RNF213: variants seen among roughly 807,000 people sequenced by gnomAD.
The protein encoded by RNF213 is E3 ubiquitin-protein ligase RNF213.
A neutral mutation model predicts 514.4 loss-of-function variants in RNF213; 341 were observed. The observed-to-expected ratio is 0.66, with a 90% confidence interval of 0.61 to 0.73. The LOEUF (loss-of-function observed/expected upper bound fraction) is 0.73, where lower values mean the gene tolerates loss of function less well. Among genes scored for constraint, RNF213 ranks in the 30% least tolerant of loss-of-function variants. The pLI is 0.00. For synonymous variants in RNF213, 2,655 were observed against 2,658.2 expected (o/e 1.00, Z 0.04); for missense variants, 5,767 against 6,615.6 (o/e 0.87, Z 4.45).
Position 80,313,046 on chromosome 17 carries a change from A to C in RNF213, c.2690A>C (p.Asn897Thr). Residue 897 changes from asparagine to threonine, a missense_variant, in exon 15 of 68, where the codon AAT (asparagine) becomes ACT (threonine). Physicochemically the swap from Asn to Thr is moderately conservative, Grantham distance 65. Around this residue, in one of 13 missense-constraint regions of RNF213, gnomAD observed 592 missense variants for 673.9 expected, o/e 0.88. Coordinates refer to ENST00000582970, the MANE Select transcript of RNF213 (RefSeq NM_001256071.3). ...SAGQRDETGN[N>T]SVQTVFQGTL... ...GGACAGAGAGATGAAACTGGAAATA[A>C]TTCAGTCCAAACAGTCTTCCAAGGG... The C allele has an allele frequency of 6.2e-7, 1 of 1,614,022 alleles. No individual in the cohort carries two copies. Among genetic ancestry groups the C allele is most frequent in the Non-Finnish European group, 8.5e-7 (1 of 1,180,040 alleles).
intron 31 of RNF213, 58 bp downstream of exon 31, chr17:80,350,454 C>A: frequency 8.8e-7 from 1 of 1,132,350 alleles, no homozygotes; most frequent in Non-Finnish European, 1.3e-6. Context: ...GTAGGAAGTC[C>A]TAGAGAATTT....
intron 26 of RNF213, among the ~76,000 whole-genome samples, chr17:80,342,758 A>G (rs1202544048): frequency 6.8e-6 from 1 of 146,108 alleles, no homozygotes; most frequent in East Asian, 1.9e-4. Context: ...ATGTATATAT[A>G]TATTATATAT....
chr17:80,276,517 A>C (rs971297303), intron 3 of RNF213, among the ~76,000 whole-genome samples: 44 of 152,226 alleles, frequency 2.9e-4, no homozygotes, highest in African/African-American at 1.0e-3. Context: ...TTTCTAGGGA[A>C]TCTTGAACAA....
chr17:80,352,546 C>G, intron 32 of RNF213: 3 of 541,058 alleles, frequency 5.5e-6, no homozygotes, highest in South Asian at 2.9e-5. Flanking sequence ...ATTCCAGAAA[C>G]AGGAAAGTAA....
In RNF213 at chr17:80,343,739, T is replaced by C; in HGVS notation, c.6184-118T>C. 9.5e-7 allele frequency: 1 copy of C among 1,054,532 alleles called. No homozygotes were observed. Among genetic ancestry groups the C allele is most frequent in the East Asian group, 2.4e-5 (1 of 42,320 alleles). The allele number at this position is 1,054,532 out of a possible 1,614,324, so 65.3% of individuals were successfully genotyped here. A position where few individuals can be genotyped will look rare whatever the true frequency, so the allele number is the denominator to read the frequency against. ...AGACATGGGCCGTTGTTGGCTGAAA[T>C]GTTGATGTTGATCATCAGGATCATC... On this transcript the variant is annotated intron_variant, in intron 27 of 67. Transcript: ENST00000582970. This position sits in a 1 kb window ranked among gnomAD's most constrained non-coding sequence, Gnocchi z 4.3.
intron 41 of RNF213, 43 bp downstream of exon 41, chr17:80,363,833 G>A (rs374810044): frequency 1.8e-5 from 29 of 1,583,144 alleles, no homozygotes; most frequent in Admixed American, 3.4e-5. Context: ...TCTGGCGCGC[G>A]CTCACCAGGA....
chr17:80,269,545 C>T (rs1338679749), intron 2 of RNF213, among the ~76,000 whole-genome samples: 1 of 151,836 alleles, frequency 6.6e-6, no homozygotes, highest in African/African-American at 2.4e-5. Flanking sequence ...ATCCATTCAT[C>T]TATCCATCTA....
At position 80,357,947 on chromosome 17, in the gene RNF213, C is replaced by A. The variant is rs540981569; in HGVS notation, c.10863-341C>A. 2.6e-5 allele frequency among the ~76,000 whole-genome samples: 4 copies of A among 152,328 alleles called. No individual in the cohort carries two copies. In the East Asian group the frequency reaches 7.7e-4, roughly 29 times the overall value. On this transcript the variant is annotated intron_variant, in intron 36 of 67. Transcript: ENST00000582970. ...AGGTTATGACGATCTATGATTGTGT[C>A]ACTACACCGCAGTTGGCGTGACAGA...
At chr17:80,349,738 TG>T in intron 29 of RNF213, 31 bp from the exon 30 acceptor site, 1 of 1,613,376 alleles carries the variant, frequency 6.2e-7, no homozygotes, top group African/African-American at 1.3e-5. Context: ...CCTTGAAGTC[TG>T]GCAAGTAATT....
chr17:80,272,070 G>T (rs993144789), intron 2 of RNF213, among the ~76,000 whole-genome samples: 1 of 151,668 alleles, frequency 6.6e-6, no homozygotes, highest in Admixed American at 6.6e-5. Context: ...GGATCATGAG[G>T]TCAGGAGTTC....
chr17:80,346,936 A>C lies in RNF213; in HGVS notation c.8601A>C (p.Gly2867=). ...CTCTGCACCCGCTGCTGGAAGACGG[A>C]TGCATTGAAGACGATCCCGCCCCCC... is the stretch of plus-strand genomic sequence containing the variant. ...LKTLHPLLED[G]CIEDDPAPHK... The change falls in exon 29 of 68, where the codon GGA becomes GGC. Residue 2867 remains glycine, a synonymous_variant. Coordinates refer to ENST00000582970, the MANE Select transcript of RNF213 (RefSeq NM_001256071.3). The surrounding 1 kb of genome is among the most constrained non-coding windows in gnomAD (Gnocchi z 8.1). The C allele has an allele frequency of 6.2e-7, 1 of 1,614,024 alleles. No individual in the cohort carries two copies. The highest frequency in any genetic ancestry group is 1.3e-5 in the African/African-American group (1 of 75,036).
chr17:80,373,497 A>G (rs1039031127), intron 49 of RNF213, among the ~76,000 whole-genome samples: 2 of 151,970 alleles, frequency 1.3e-5, no homozygotes, highest in African/African-American at 4.8e-5. Context: ...TGCCTGCTGT[A>G]GGGCCAAGGT....
chr17:80,278,496 G>T (rs1395616263), intron 3 of RNF213, among the ~76,000 whole-genome samples: 1 of 152,212 alleles, frequency 6.6e-6, no homozygotes, highest in African/African-American at 2.4e-5. Context: ...GCCTGGCAGG[G>T]TGCCGCCTCT....
At chr17:80,290,055 G>T (rs548400771) in intron 6 of RNF213, among the ~76,000 whole-genome samples, 1 of 152,352 alleles carries the variant, frequency 6.6e-6, no homozygotes, top group South Asian at 2.1e-4. Flanking sequence ...CCTGGAGCCA[G>T]CGTGGGCCTT....
intron 3 of RNF213, among the ~76,000 whole-genome samples, chr17:80,275,349 A>G (rs1302982903): frequency 6.6e-6 from 1 of 151,980 alleles, no homozygotes; most frequent in East Asian, 1.9e-4. Context: ...AGAGTGGGAA[A>G]GTGGCAGTAC....
chr17:80,271,436 G>GA (rs1342323629), intron 2 of RNF213, among the ~76,000 whole-genome samples: 6 of 152,186 alleles, frequency 3.9e-5, no homozygotes, highest in African/African-American at 1.4e-4. Context: ...CCAGGTGCTG[G>GA]AAACGGGCGT....
chr17:80,393,517 C>A lies in RNF213; in HGVS notation c.*19C>A. 2.5e-6 allele frequency: 4 copies of A among 1,612,916 alleles called. No individual in the cohort carries two copies. The highest frequency in any genetic ancestry group is 3.4e-6 in the Non-Finnish European group (4 of 1,179,450). On this transcript the variant is annotated 3_prime_UTR_variant, in exon 68 of 68. Coordinates refer to ENST00000582970, the MANE Select transcript of RNF213 (RefSeq NM_001256071.3). ...GAGATAGAATTATTTCCTCAGCTAT[C>A]TTTGGATGACTTTGGAGAGAAGACT...
intron 8 of RNF213, 132 bp from the exon 9 acceptor site, chr17:80,294,588 T>TTCCCTTCC: frequency 8.5e-7 from 1 of 1,182,916 alleles, no homozygotes; most frequent in Non-Finnish European, 1.2e-6. Flanking sequence ...GTTTTTGCTT[T>TTCCCTTCC]TCCCTTCCTC....
chr17:80,381,757 A>C (rs773779469), intron 57 of RNF213, 30 bp downstream of exon 57: 40 of 1,598,812 alleles, frequency 2.5e-5, no homozygotes, highest in Non-Finnish European at 3.4e-5. Context: ...CTGGGCGGGG[A>C]TCACACAGCA....
Sources: allele counts gnomAD v4.1 joint callset (sites outside exome capture counted in the v4.1 genomes callset), GRCh38; gene constraint gnomAD v4.1.1; regional missense constraint gnomAD v4.1.1; non-coding constraint Gnocchi (gnomAD v3.1); transcripts MANE v1.5; gene names NCBI Gene and HGNC (gene_info 2026-07-23, HGNC 2026-07-21).